The following OSTF1 variants were observed in gnomAD, a reference collection of about 807,000 sequenced individuals.
The protein encoded by OSTF1 is osteoclast stimulating factor 1, also known as osteoclast-stimulating factor 1.
OSTF1 carries 27 observed loss-of-function variants against 37.2 expected under a neutral mutation model. The observed-to-expected ratio is 0.73, with a 90% CI of 0.54 to 1.00. OSTF1 has a LOEUF of 1.00. Among genes scored for constraint, OSTF1 ranks in the 50% least tolerant of loss-of-function variants. The probability of loss-of-function intolerance (pLI) is 0.00; values close to 1 mark genes in which losing one functional copy is unlikely to be tolerated. For synonymous variants in OSTF1, 82 were observed against 89.2 expected (o/e 0.92, Z 0.46); for missense variants, 232 against 253.8 (o/e 0.91, Z 0.58).
intron 1 of OSTF1, among the ~76,000 whole-genome samples, chr9:75,110,002 C>T (rs998686087): frequency 6.6e-5 from 10 of 152,280 alleles, no homozygotes; most frequent in Admixed American, 5.9e-4. Context: ...TGTAGCCCCT[C>T]CATTATCAAC....
rs1330797193 is a variant in OSTF1 at position 75,128,385 on chromosome 9, T to TTTTTTTTGTCC, written c.132+766_132+767insTTTTTTTGTCC. On this transcript the variant is annotated intron_variant, in intron 3 of 9. Coordinates refer to ENST00000346234, the MANE Select transcript of OSTF1 (RefSeq NM_012383.5). ...AGACATATATATATATATATATATATATATATATATATATATATATATTTT... is the reference window on the plus strand; with the variant it reads ...AGACATATATATATATATATATATATTTTTTTTGTCCATATATATATATATATATATATTTT... Among the ~76,000 whole-genome samples, 29 of 90,010 alleles carry TTTTTTTTGTCC rather than the reference T, an allele frequency of 3.2e-4. 2 individuals carry two copies. The highest frequency in any genetic ancestry group is 1.4e-3 in the African/African-American group (28 of 19,830). 59.1% of individuals were successfully genotyped at this position (90,010 alleles called of 152,430 possible).
intron 8 of OSTF1, among the ~76,000 whole-genome samples, chr9:75,138,916 T>A (rs1032819767): frequency 6.6e-6 from 1 of 152,104 alleles, no homozygotes. Flanking sequence ...CTACTGTGAA[T>A]AGAATGATCT....
intron 1 of OSTF1, among the ~76,000 whole-genome samples, chr9:75,089,091 G>A (rs1000011585): frequency 1.3e-5 from 2 of 151,968 alleles, no homozygotes; most frequent in East Asian, 1.9e-4. Context: ...ATGATCTTTA[G>A]CCACTTCCTC....
rs1825795704 is a variant in OSTF1, at chr9:75,133,363, G to A, written c.320G>A (p.Ser107Asn). 1 of 1,612,428 alleles carries A rather than the reference G, an allele frequency of 6.2e-7. No homozygotes were observed. The highest frequency in any genetic ancestry group is 8.5e-7 in the Non-Finnish European group (1 of 1,178,566). Residue 107 changes from serine to asparagine, a missense_variant, in exon 6 of 10, where the codon AGC becomes AAC. Transcript: ENST00000346234. The stretch of plus-strand genomic sequence containing the variant: ...GTTAATGGCTTAGACAAAGCTGGAA[G>A]CACTGCCTTATACTGGGCTTGCCAC... ...VGVNGLDKAG[S>N]TALYWACHGG...
chr9:75,103,428 A>G (rs1825229966), intron 1 of OSTF1, among the ~76,000 whole-genome samples: 1 of 152,256 alleles, frequency 6.6e-6, no homozygotes, highest in Non-Finnish European at 1.5e-5. Context: ...GAAAATAAGT[A>G]TGACTCATAG....
At chr9:75,095,133 C>G (rs1351572436) in intron 1 of OSTF1, among the ~76,000 whole-genome samples, 1 of 152,160 alleles carries the variant, frequency 6.6e-6, no homozygotes, top group Non-Finnish European at 1.5e-5. Context: ...TAACCAGACC[C>G]TAATTAACGT....
At position 75,140,743 on chromosome 9, in the gene OSTF1, T is replaced by A. The variant is rs892771689; in HGVS notation, c.488-91T>A. The A allele has an allele frequency of 5.0e-5, 39 of 782,182 alleles. No individual in the cohort carries two copies. The African/African-American group carries it at 6.5e-4, about 13-fold the overall frequency. The allele number at this position is 782,182 out of a possible 1,614,324, so 48.5% of individuals were successfully genotyped here. The stretch of plus-strand genomic sequence containing the variant: ...AGCCAGAGTTGTTCACTAGTTTATT[T>A]TGCCAAAAGTTGTTAGCTGTGGGGA... On this transcript the variant is annotated intron_variant, in intron 8 of 9. Transcript: ENST00000346234.
chr9:75,106,825 A>C (rs1199632506), intron 1 of OSTF1, among the ~76,000 whole-genome samples: 1 of 144,406 alleles, frequency 6.9e-6, no homozygotes, highest in Non-Finnish European at 1.5e-5. Flanking sequence ...GTGGTGTTGC[A>C]TGCCTGTAAT....
chr9:75,139,578 G>A (rs11144249), intron 8 of OSTF1, among the ~76,000 whole-genome samples: 55,188 of 151,858 alleles, frequency 0.36, 10,197 homozygotes, highest in East Asian at 0.41. Flanking sequence ...ACAGGCATGC[G>A]CCACCACACT....
At chr9:75,088,780 C>T (rs1824865809) in intron 1 of OSTF1, 54 bp downstream of exon 1, 2 of 1,541,162 alleles carry the variant, frequency 1.3e-6, no homozygotes, top group Non-Finnish European at 1.8e-6. Context: ...GCGGTGCCGG[C>T]GCCTCCTCTG....
intron 3 of OSTF1, among the ~76,000 whole-genome samples, chr9:75,129,870 T>C (rs1216032822): frequency 6.6e-6 from 1 of 152,228 alleles, no homozygotes; most frequent in Non-Finnish European, 1.5e-5. Context: ...TCGACCTAGA[T>C]ATTTGATGAT....
chr9:75,142,310 G>A (rs989731004), intron 9 of OSTF1, among the ~76,000 whole-genome samples: 4 of 152,088 alleles, frequency 2.6e-5, no homozygotes, highest in African/African-American at 9.7e-5. Context: ...AATAGTGTGA[G>A]AGACATACTT....
rs375344601 is a variant in OSTF1 at position 75,096,081 on chromosome 9, C to G, written c.34+7355C>G. 3.7e-4 allele frequency among the ~76,000 whole-genome samples: 56 copies of G among 152,218 alleles called. No individual in the cohort carries two copies. In the East Asian group the frequency reaches 8.1e-3, roughly 22 times the overall value. ...TAATTTTTGGTATTTTTAGTAGAGTCAGGGTTTCACCGTGTTAGCCAGGAT... is the reference window on the plus strand; with the variant it reads ...TAATTTTTGGTATTTTTAGTAGAGTGAGGGTTTCACCGTGTTAGCCAGGAT... On this transcript the variant is annotated intron_variant, in intron 1 of 9. Transcript: ENST00000346234.
chr9:75,143,009 A>G (rs972491134), intron 9 of OSTF1, among the ~76,000 whole-genome samples: 7 of 150,176 alleles, frequency 4.7e-5, no homozygotes, highest in Non-Finnish European at 1.0e-4. Flanking sequence ...ACACAATCTC[A>G]GTTCACTGCA....
intron 1 of OSTF1, 30 bp downstream of exon 1, chr9:75,088,756 G>T (rs931538602): frequency 6.3e-7 from 1 of 1,592,218 alleles, no homozygotes; most frequent in Non-Finnish European, 8.6e-7. Flanking sequence ...CGCTTGCCAG[G>T]TCCTGCGACC....
At chr9:75,119,016 T>A (rs1048358602) in intron 2 of OSTF1, among the ~76,000 whole-genome samples, 17 of 152,208 alleles carry the variant, frequency 1.1e-4, no homozygotes, top group African/African-American at 3.6e-4. Context: ...TTCACCTGGG[T>A]TTGCCCCAGA....
chr9:75,141,343 A>AAAAAAG (rs1825941530), intron 9 of OSTF1, among the ~76,000 whole-genome samples: 1 of 147,918 alleles, frequency 6.8e-6, no homozygotes, highest in Admixed American at 6.7e-5. Flanking sequence ...AAAAAAAGAT[A>AAAAAAG]AACTCTTCAG....
chr9:75,138,053 G>C lies in OSTF1; in HGVS notation c.487+437G>C, dbSNP rs566751727. On this transcript the variant is annotated intron_variant, in intron 8 of 9. Transcript: ENST00000346234. ...CAATGTCCTGCTTTGAGCTGAGCAG[G>C]TGCTAGATGTAAAGTGAACGAGAGA... Among the ~76,000 whole-genome samples, 60 of 152,312 alleles carry C rather than the reference G, an allele frequency of 3.9e-4. No homozygotes were observed. The East Asian group carries it at 7.7e-3, about 20-fold the overall frequency.
intron 1 of OSTF1, among the ~76,000 whole-genome samples, chr9:75,098,708 C>T (rs1332176784): frequency 6.6e-6 from 1 of 152,142 alleles, no homozygotes; most frequent in Admixed American, 6.5e-5. Flanking sequence ...CTCTTGTCTC[C>T]TCTCATGCTA....
Sources: gnomAD v4.1 joint callset for allele counts (sites outside exome capture counted in the v4.1 genomes callset) on GRCh38, gnomAD v4.1.1 for gene constraint, MANE v1.5 for transcripts, NCBI Gene and HGNC (gene_info 2026-07-23, HGNC 2026-07-21) for gene names.